Variants in GRIK3 observed in about 807,000 individuals in gnomAD.
GRIK3 encodes glutamate ionotropic receptor kainate type subunit 3.
A neutral mutation model predicts 102.5 loss-of-function variants in GRIK3; 29 were observed. That is an observed-to-expected ratio of 0.28 (90% CI 0.21 to 0.39). The LOEUF is 0.39. GRIK3 is among the 10% of genes least tolerant of loss of function. The pLI, the probability that GRIK3 is intolerant of heterozygous loss-of-function variation, is 1.00. For missense variants in GRIK3, 908 were observed against 1,252.4 expected (o/e 0.73, Z 4.15); for synonymous variants, 511 against 504.9 (o/e 1.01, Z -0.16).
chr1:37,015,192 G>C (rs1007369579), intron 1 of GRIK3, among the ~76,000 whole-genome samples: 2 of 152,150 alleles, frequency 1.3e-5, no homozygotes, highest in Non-Finnish European at 2.9e-5. Flanking sequence ...GAAAGGAAAA[G>C]CCACATCTCC....
At chr1:36,858,263 C>T (rs563527666) in intron 7 of GRIK3, among the ~76,000 whole-genome samples, 7 of 152,336 alleles carry the variant, frequency 4.6e-5, no homozygotes, top group African/African-American at 7.2e-5. Flanking sequence ...TTCCCAACAC[C>T]GCCTTCAGGC....
At chr1:36,999,495 T>G (rs1642453223) in intron 1 of GRIK3, among the ~76,000 whole-genome samples, 1 of 151,958 alleles carries the variant, frequency 6.6e-6, no homozygotes, top group African/African-American at 2.4e-5. Context: ...AGGTCCTAAT[T>G]CCATCTCCCC....
intron 10 of GRIK3, among the ~76,000 whole-genome samples, chr1:36,837,129 C>T (rs1640389357): frequency 6.6e-6 from 1 of 152,108 alleles, no homozygotes; most frequent in Non-Finnish European, 1.5e-5. Context: ...ACCCCAGGTC[C>T]TCATCTCTGC....
chr1:36,977,269 C>A (rs1230901256), intron 1 of GRIK3, among the ~76,000 whole-genome samples: 1 of 152,230 alleles, frequency 6.6e-6, no homozygotes, highest in Non-Finnish European at 1.5e-5. Flanking sequence ...TCTCCCAAAC[C>A]AGGTCCCATT....
At chr1:36,922,056 C>T (rs1338971595) in intron 1 of GRIK3, among the ~76,000 whole-genome samples, 1 of 152,188 alleles carries the variant, frequency 6.6e-6, no homozygotes, top group Non-Finnish European at 1.5e-5. Flanking sequence ...GACCACAGCA[C>T]CAGGCTGAGA....
rs1379080248 is a variant in GRIK3 at position 36,850,141 on chromosome 1, CG to C, written c.1326+169del. The C allele has an allele frequency of 6.7e-6, 4 of 596,620 alleles. No individual in the cohort carries two copies. Among genetic ancestry groups the C allele is most frequent in the Non-Finnish European group, 1.2e-5 (4 of 334,460 alleles). The allele number at this position is 596,620 out of a possible 1,614,324, so 37.0% of individuals were successfully genotyped here. ...GGCTTCCGCCCGTGGCAGCGAGCAG[CG>C]CTGCTGCGCTCCAGCTGCTCTCTGA... On this transcript the variant is annotated intron_variant, in intron 9 of 15. Transcript: ENST00000373091. This position sits in a 1 kb window ranked among gnomAD's most constrained non-coding sequence, Gnocchi z 4.0.
chr1:36,814,875 T>C (rs1642606590), intron 13 of GRIK3, among the ~76,000 whole-genome samples: 1 of 152,080 alleles, frequency 6.6e-6, no homozygotes, highest in Non-Finnish European at 1.5e-5. Flanking sequence ...CAGGCACATG[T>C]CCACATGCCC....
chr1:37,031,787 T>G (rs1330529333), intron 1 of GRIK3, among the ~76,000 whole-genome samples: 1 of 152,218 alleles, frequency 6.6e-6, no homozygotes, highest in Non-Finnish European at 1.5e-5. Context: ...ATTCTCTCTC[T>G]CTCGCTCGCT....
intron 1 of GRIK3, among the ~76,000 whole-genome samples, chr1:36,948,102 G>T (rs1457376125): frequency 6.6e-6 from 1 of 152,174 alleles, no homozygotes; most frequent in African/African-American, 2.4e-5. Context: ...AAAGGTTTGT[G>T]TCTCCCTTAC....
intron 1 of GRIK3, among the ~76,000 whole-genome samples, chr1:37,010,093 G>A (rs1642576841): frequency 6.6e-6 from 1 of 152,158 alleles, no homozygotes. Flanking sequence ...GGGGCACTTG[G>A]AACAGGAGGG....
In GRIK3 at chr1:37,034,129, G is replaced by C. The variant is rs777048475; in HGVS notation, c.-21C>G. ...GTCATCGTTGGGCGCCGCCGAGCGT[G>C]CCCGGGGCGCGGCCGTGGCGGGCTC... On this transcript the variant is annotated 5_prime_UTR_variant, in exon 1 of 16. Coordinates refer to ENST00000373091, the MANE Select transcript of GRIK3 (RefSeq NM_000831.4). The C allele has an allele frequency of 5.8e-6, 8 of 1,375,344 alleles. No individual in the cohort carries two copies. In the Admixed American group the frequency reaches 1.6e-4, roughly 28 times the overall value. 85.2% of individuals were successfully genotyped at this position (1,375,344 alleles called of 1,614,324 possible).
At chr1:36,804,065 C>T (rs539990589) in intron 15 of GRIK3, among the ~76,000 whole-genome samples, 2 of 152,324 alleles carry the variant, frequency 1.3e-5, no homozygotes, top group East Asian at 1.9e-4. Flanking sequence ...TGCTGGACAG[C>T]GTCCCTTCGG....
intron 2 of GRIK3, among the ~76,000 whole-genome samples, chr1:36,889,300 A>T (rs1641076438): frequency 1.3e-5 from 2 of 151,394 alleles, no homozygotes; most frequent in Non-Finnish European, 2.9e-5. Context: ...AAAGGGAATT[A>T]CAAGCAGAGA....
At chr1:36,910,749 A>G (rs1213015996) in intron 1 of GRIK3, among the ~76,000 whole-genome samples, 1 of 152,194 alleles carries the variant, frequency 6.6e-6, no homozygotes, top group African/African-American at 2.4e-5. Flanking sequence ...TCATTCATTC[A>G]TATACTCATT....
In GRIK3 at chr1:36,806,807, G is replaced by A. The variant is rs749345294; in HGVS notation, c.2092-481C>T. Among the ~76,000 whole-genome samples, 10 of 152,112 alleles carry A rather than the reference G, an allele frequency of 6.6e-5. No individual in the cohort carries two copies. The highest frequency in any genetic ancestry group is 1.2e-4 in the Non-Finnish European group (8 of 68,024). ...CCCAGGTACTAAGTAGCAAAGCCAG[G>A]CTTCAAACCCAGGCCATCTGGCTCC... On this transcript the variant is annotated intron_variant, in intron 13 of 15. Transcript: ENST00000373091. This position sits in a 1 kb window ranked among gnomAD's most constrained non-coding sequence, Gnocchi z 4.0.
At chr1:36,831,424 G>A (rs1640294944) in intron 10 of GRIK3, among the ~76,000 whole-genome samples, 1 of 152,178 alleles carries the variant, frequency 6.6e-6, no homozygotes, top group Non-Finnish European at 1.5e-5. Context: ...CTATTCCCAG[G>A]GGACTCTGCT....
intron 1 of GRIK3, among the ~76,000 whole-genome samples, chr1:36,910,978 A>C (rs2124295025): frequency 6.6e-6 from 1 of 152,240 alleles, no homozygotes; most frequent in South Asian, 2.1e-4. Context: ...CTCAGAGGAG[A>C]GGGCATCTTG....
At chr1:36,976,685 C>T (rs531326764) in intron 1 of GRIK3, among the ~76,000 whole-genome samples, 1 of 152,296 alleles carries the variant, frequency 6.6e-6, no homozygotes, top group Admixed American at 6.5e-5. Context: ...TTTACCCCCT[C>T]CCCATGGTTC....
chr1:36,875,260 T>C (rs150368126), intron 3 of GRIK3, among the ~76,000 whole-genome samples: 11 of 152,368 alleles, frequency 7.2e-5, no homozygotes, highest in Admixed American at 5.9e-4. Flanking sequence ...GGTTTTTGTT[T>C]GTTTGTTTGT....
Sources: allele counts gnomAD v4.1 joint callset (sites outside exome capture counted in the v4.1 genomes callset), GRCh38; gene constraint gnomAD v4.1.1; non-coding constraint Gnocchi (gnomAD v3.1); transcripts MANE v1.5; gene names NCBI Gene and HGNC (gene_info 2026-07-23, HGNC 2026-07-21).